CSMD3: variants seen among roughly 807,000 people sequenced by gnomAD.
CSMD3 encodes CUB and sushi domain-containing protein 3.
CSMD3 carries 177 observed loss-of-function variants against 435.2 expected under a neutral mutation model. The observed-to-expected ratio is 0.41, with a 90% CI of 0.36 to 0.46. The LOEUF is 0.46. CSMD3 is among the 20% of genes least tolerant of loss of function. The pLI, the probability that CSMD3 is intolerant of heterozygous loss-of-function variation, is 0.34. For missense variants in CSMD3, 4,265 were observed against 4,504.6 expected (o/e 0.95, Z 1.52); for synonymous variants, 1,656 against 1,520.5 (o/e 1.09, Z -2.07).
intron 3 of CSMD3, among the ~76,000 whole-genome samples, chr8:113,239,509 T>C (rs1441287424): frequency 6.6e-6 from 1 of 150,886 alleles, no homozygotes; most frequent in Non-Finnish European, 1.5e-5. Context: ...TATCTATCTA[T>C]CTATCTATCT....
chr8:112,565,807 T>G (rs2131269518), intron 24 of CSMD3, among the ~76,000 whole-genome samples: 1 of 152,116 alleles, frequency 6.6e-6, no homozygotes, highest in Non-Finnish European at 1.5e-5. Context: ...CTCAATTCCT[T>G]TTTACAAAAT....
intron 4 of CSMD3, among the ~76,000 whole-genome samples, chr8:113,156,934 A>AAG (rs58581247): frequency 0.013 from 1,907 of 147,804 alleles, 10 homozygotes; most frequent in African/African-American, 0.017. Context: ...TTTGTCTCAA[A>AAG]AGAGAGAGAG....
intron 32 of CSMD3, among the ~76,000 whole-genome samples, chr8:112,459,068 C>G (rs1350893801): frequency 6.6e-6 from 1 of 152,014 alleles, no homozygotes; most frequent in Non-Finnish European, 1.5e-5. Flanking sequence ...TCATCCATAC[C>G]TCTGAAACAA....
chr8:112,448,755 T>TAAAAAAA (rs199998820), intron 32 of CSMD3, among the ~76,000 whole-genome samples: 26 of 127,150 alleles, frequency 2.0e-4, no homozygotes, highest in Non-Finnish European at 2.8e-4. Flanking sequence ...TACAATCTAT[T>TAAAAAAA]AAAAAAAAAA....
chr8:112,277,055 T>C (rs918408366), intron 59 of CSMD3, among the ~76,000 whole-genome samples: 2 of 152,170 alleles, frequency 1.3e-5, no homozygotes, highest in African/African-American at 4.8e-5. Flanking sequence ...ATTTTTCCTA[T>C]TGTTTTGGCA....
At chr8:112,689,755 A>T in intron 14 of CSMD3, 113 bp downstream of exon 14, 1 of 823,762 alleles carries the variant, frequency 1.2e-6, no homozygotes, top group Non-Finnish European at 2.1e-6. Flanking sequence ...ACAAAGTGCT[A>T]CTCACTCAAA....
intron 4 of CSMD3, among the ~76,000 whole-genome samples, chr8:113,135,791 T>G (rs991501788): frequency 8.6e-5 from 13 of 151,806 alleles, no homozygotes; most frequent in African/African-American, 3.1e-4. Flanking sequence ...GACTGGACCT[T>G]TTCCCCACAG....
intron 27 of CSMD3, among the ~76,000 whole-genome samples, chr8:112,545,498 AAAAAAT>A (rs1827096337): frequency 2.1e-5 from 3 of 141,204 alleles, no homozygotes; most frequent in Admixed American, 7.0e-5. Flanking sequence ...AAAAAAAAAA[AAAAAAT>A]AATAATAATA....
chr8:113,061,023 A>G (rs1040660921), intron 5 of CSMD3, among the ~76,000 whole-genome samples: 4 of 152,172 alleles, frequency 2.6e-5, no homozygotes, highest in Admixed American at 6.6e-5. Context: ...CTATTGAGAT[A>G]AGTCAGATTA....
At chr8:113,432,904 C>A (rs891353282) in intron 1 of CSMD3, among the ~76,000 whole-genome samples, 1 of 152,162 alleles carries the variant, frequency 6.6e-6, no homozygotes, top group African/African-American at 2.4e-5. Context: ...AAGGTTTCTC[C>A]GTGTCAATTC....
chr8:112,453,511 C>A (rs62516475), intron 32 of CSMD3, among the ~76,000 whole-genome samples: 30,742 of 151,918 alleles, frequency 0.2, 3,751 homozygotes, highest in East Asian at 0.38. Flanking sequence ...ATAACATTTA[C>A]AATAGCCACA....
intron 1 of CSMD3, among the ~76,000 whole-genome samples, chr8:113,333,020 T>A (rs1235494393): frequency 6.6e-6 from 1 of 151,714 alleles, no homozygotes; most frequent in Non-Finnish European, 1.5e-5. Flanking sequence ...AGAGGGGAAC[T>A]GAGCAAATTT....
chr8:112,439,766 T>C (rs1447130852), intron 32 of CSMD3, among the ~76,000 whole-genome samples: 2 of 151,816 alleles, frequency 1.3e-5, no homozygotes, highest in Admixed American at 6.6e-5. Flanking sequence ...GGGGAAAAGG[T>C]CCCTCACCAA....
At chr8:113,257,575 C>G (rs926978992) in intron 3 of CSMD3, among the ~76,000 whole-genome samples, 3 of 152,082 alleles carry the variant, frequency 2.0e-5, no homozygotes, top group Non-Finnish European at 4.4e-5. Flanking sequence ...TCATTAGTAT[C>G]CTTTGTAATA....
chr8:113,130,050 A>C (rs1444446226), intron 4 of CSMD3, among the ~76,000 whole-genome samples: 9 of 151,976 alleles, frequency 5.9e-5, no homozygotes, highest in Non-Finnish European at 1.3e-4. Context: ...ATATGATCAA[A>C]ATAATAGCAG....
At chr8:112,287,532 A>C (rs1304576336) in intron 57 of CSMD3, among the ~76,000 whole-genome samples, 2 of 152,152 alleles carry the variant, frequency 1.3e-5, no homozygotes, top group African/African-American at 4.8e-5. Context: ...GTTAATAACC[A>C]AGCTAATGGA....
chr8:112,506,834 A>C lies in CSMD3; in HGVS notation c.4757-5T>G. 6.2e-7 allele frequency: 1 copy of C among 1,609,472 alleles called. No homozygotes were observed. The highest frequency in any genetic ancestry group is 8.5e-7 in the Non-Finnish European group (1 of 1,176,886). On this transcript the variant is annotated splice_region_variant and splice_polypyrimidine_tract_variant and intron_variant, in intron 28 of 70. Coordinates refer to ENST00000297405, the MANE Select transcript of CSMD3 (RefSeq NM_198123.2). ...TTAAATTGCCTCCACAGGGTGCTTT[A>C]ATTTAAACAAACAAATAAAATCTCT...
chr8:112,790,362 C>T (rs956593821), intron 13 of CSMD3, among the ~76,000 whole-genome samples: 2 of 143,448 alleles, frequency 1.4e-5, no homozygotes, highest in Non-Finnish European at 3.1e-5. Flanking sequence ...ATAAATGGAA[C>T]AAAAGTGAAA....
chr8:112,826,514 A>G (rs1025273815), intron 12 of CSMD3, among the ~76,000 whole-genome samples: 3 of 152,042 alleles, frequency 2.0e-5, no homozygotes, highest in Admixed American at 6.6e-5. Flanking sequence ...TGTAAAAAAC[A>G]TGGTTTCTCA....
Sources: gnomAD v4.1 joint callset for allele counts (sites outside exome capture counted in the v4.1 genomes callset) on GRCh38, gnomAD v4.1.1 for gene constraint, MANE v1.5 for transcripts, NCBI Gene and HGNC (gene_info 2026-07-23, HGNC 2026-07-21) for gene names.